The following EIF4G3 variants were observed in gnomAD, a reference collection of about 807,000 sequenced individuals.
EIF4G3 encodes the protein eIF-4-gamma 3.
A neutral mutation model predicts 186.4 loss-of-function variants in EIF4G3; 34 were observed. That is an observed-to-expected ratio of 0.18 (90% confidence interval 0.14 to 0.24). The LOEUF (loss-of-function observed/expected upper bound fraction) is 0.24. Ranked by LOEUF, EIF4G3 falls within the 10% of genes least tolerant of loss-of-function variation. The probability of loss-of-function intolerance (pLI) is 1.00; values close to 1 mark genes in which losing one functional copy is unlikely to be tolerated. For missense variants in EIF4G3, 1,536 were observed against 1,948.5 expected (o/e 0.79, Z 3.99); for synonymous variants, 673 against 679.5 (o/e 0.99, Z 0.15).
rs112745869 is a variant in EIF4G3, at chr1:21,020,580, G to A, written c.-66-17772C>T. 4.4e-3 allele frequency among the ~76,000 whole-genome samples: 676 copies of A among 152,274 alleles called. 5 individuals are homozygous for A. The highest frequency in any genetic ancestry group is 0.015 in the African/African-American group (639 of 41,554). On this transcript the variant is annotated intron_variant, in intron 4 of 36. Transcript: ENST00000602326. Reference sequence around the variant, plus strand: ...AGGTATGGGACCATGTATAGCCAGCGCGATTACTGGAATACATTTCAAACG... The same window carrying A: ...AGGTATGGGACCATGTATAGCCAGCACGATTACTGGAATACATTTCAAACG...
intron 15 of EIF4G3, among the ~76,000 whole-genome samples, chr1:20,900,540 A>G (rs911531768): frequency 2.0e-4 from 30 of 152,080 alleles, no homozygotes; most frequent in Non-Finnish European, 1.3e-4. Flanking sequence ...GAGAGAGAAA[A>G]AAAAAAGAGA....
intron 3 of EIF4G3, among the ~76,000 whole-genome samples, chr1:21,056,046 C>T (rs1214361005): frequency 6.6e-6 from 1 of 152,074 alleles, no homozygotes; most frequent in Non-Finnish European, 1.5e-5. Context: ...AGCATTGTGC[C>T]AAAGCCTAAA....
chr1:20,850,604 T>A lies in EIF4G3; in HGVS notation c.3772+654A>T, dbSNP rs1034985776. Among the ~76,000 whole-genome samples, 58 of 152,250 alleles carry A rather than the reference T, an allele frequency of 3.8e-4. 3 individuals carry two copies. Among genetic ancestry groups the A allele is most frequent in the Non-Finnish European group, 8.8e-5 (6 of 68,036 alleles). The stretch of plus-strand genomic sequence containing the variant: ...CATTGCTATATTCGTCATCACAACA[T>A]TTAATACTTTTTGAAAACCTTGTAT... On this transcript the variant is annotated intron_variant, in intron 28 of 36. Coordinates refer to ENST00000602326, the MANE Select transcript of EIF4G3 (RefSeq NM_001391906.1).
intron 3 of EIF4G3, among the ~76,000 whole-genome samples, chr1:21,076,788 A>G (rs905022897): frequency 8.5e-5 from 13 of 152,166 alleles, no homozygotes; most frequent in African/African-American, 3.1e-4. Context: ...ACCAAAATCA[A>G]ACCAAAATGG....
At chr1:20,900,664 T>A (rs2089995449) in intron 15 of EIF4G3, among the ~76,000 whole-genome samples, 2 of 152,272 alleles carry the variant, frequency 1.3e-5, no homozygotes, top group African/African-American at 4.8e-5. Flanking sequence ...AATGGCTCTG[T>A]AAAGGCCTCA....
At chr1:20,986,572 C>T (rs1452057902) in intron 7 of EIF4G3, among the ~76,000 whole-genome samples, 1 of 151,584 alleles carries the variant, frequency 6.6e-6, no homozygotes, top group Non-Finnish European at 1.5e-5. Flanking sequence ...GGTGAAACCC[C>T]GTCTCCACTA....
At chr1:20,840,623 T>C (rs1002019576) in intron 30 of EIF4G3, among the ~76,000 whole-genome samples, 3 of 152,194 alleles carry the variant, frequency 2.0e-5, no homozygotes, top group African/African-American at 7.2e-5. Context: ...GATAGAGATC[T>C]AACAATAATA....
intron 14 of EIF4G3, among the ~76,000 whole-genome samples, chr1:20,923,757 C>T (rs1436046634): frequency 1.3e-5 from 2 of 151,394 alleles, no homozygotes; most frequent in Non-Finnish European, 2.9e-5. Context: ...ATAAAAAATA[C>T]ACTCTAACAG....
At chr1:20,858,873 T>A (rs1417681331) in intron 24 of EIF4G3, among the ~76,000 whole-genome samples, 2 of 152,092 alleles carry the variant, frequency 1.3e-5, no homozygotes, top group African/African-American at 4.8e-5. Flanking sequence ...GGTGGGCGCC[T>A]GTAATCCCAG....
chr1:20,886,713 C>G (rs2084282360), intron 18 of EIF4G3, among the ~76,000 whole-genome samples: 1 of 152,124 alleles, frequency 6.6e-6, no homozygotes, highest in Non-Finnish European at 1.5e-5. Context: ...CAAAAATTCA[C>G]AGGTAGGTAT....
chr1:20,899,780 C>G lies in EIF4G3; in HGVS notation c.1916G>C (p.Ser639Thr). 6.2e-7 allele frequency: 1 copy of G among 1,614,152 alleles called. No individual in the cohort carries two copies. The highest frequency in any genetic ancestry group is 8.5e-7 in the Non-Finnish European group (1 of 1,180,016). ...ATCTATTCCTTCACCCTCAGAAACA[C>G]TCTCAGCACCATTACGTACTGGCTC... ...EAEPVRNGAE[S>T]VSEGEGIDAN... is the part of the protein sequence containing the mutation. Residue 639 changes from serine (S) to threonine (T), a missense_variant, in exon 16 of 37, where the codon AGT (serine) becomes ACT (threonine). Ser to Thr is a moderately conservative substitution (Grantham distance 58). Coordinates refer to ENST00000602326, the MANE Select transcript of EIF4G3 (RefSeq NM_001391906.1).
intron 4 of EIF4G3, among the ~76,000 whole-genome samples, chr1:21,046,627 G>A (rs1435666133): frequency 6.6e-6 from 1 of 152,200 alleles, no homozygotes; most frequent in Non-Finnish European, 1.5e-5. Context: ...AGAAGAAGGG[G>A]AGACTGTCAC....
chr1:20,997,246 A>T (rs1364140904), intron 7 of EIF4G3, among the ~76,000 whole-genome samples: 1 of 152,172 alleles, frequency 6.6e-6, no homozygotes, highest in African/African-American at 2.4e-5. Context: ...AAACCCATAG[A>T]ATGCTGCCTG....
intron 32 of EIF4G3, among the ~76,000 whole-genome samples, chr1:20,825,975 G>A (rs2063509188): frequency 6.6e-6 from 1 of 152,212 alleles, no homozygotes; most frequent in Non-Finnish European, 1.5e-5. Flanking sequence ...GGCTGTTGCT[G>A]TCATCTGAGA....
intron 33 of EIF4G3, among the ~76,000 whole-genome samples, chr1:20,819,199 A>C (rs2061716566): frequency 6.6e-6 from 1 of 152,286 alleles, no homozygotes; most frequent in South Asian, 2.1e-4. Flanking sequence ...GTTTAAGCAA[A>C]CTGTAAGTCA....
rs1558396488 is a variant in EIF4G3, at chr1:20,950,127, C to T, written c.715-16G>A. 6.4e-7 allele frequency: 1 copy of T among 1,553,684 alleles called. No homozygotes were observed. Among genetic ancestry groups the T allele is most frequent in the Non-Finnish European group, 8.7e-7 (1 of 1,155,362 alleles). On this transcript the variant is annotated splice_polypyrimidine_tract_variant and intron_variant, in intron 12 of 36. Transcript: ENST00000602326. ...TGGGCAGCTGCTGGGATTTGAAGTA[C>T]AAAAAAGGGTGATAATGAGCGTGCG...
intron 4 of EIF4G3, among the ~76,000 whole-genome samples, chr1:21,042,920 C>A (rs1047775604): frequency 1.3e-5 from 2 of 152,228 alleles, no homozygotes; most frequent in Admixed American, 1.3e-4. Flanking sequence ...TGCAGCTGAA[C>A]TGAATTAGCA....
At chr1:21,122,112 A>G (rs2096936021) in intron 2 of EIF4G3, among the ~76,000 whole-genome samples, 1 of 152,216 alleles carries the variant, frequency 6.6e-6, no homozygotes, top group Non-Finnish European at 1.5e-5. Flanking sequence ...ACCATCCTCT[A>G]ATTCCCCCTC....
chr1:21,009,084 T>C (rs1393180920), intron 4 of EIF4G3, among the ~76,000 whole-genome samples: 1 of 152,254 alleles, frequency 6.6e-6, no homozygotes, highest in Non-Finnish European at 1.5e-5. Context: ...AGTTTTAAAA[T>C]AGGCTATTCC....
Sources: allele counts gnomAD v4.1 joint callset (sites outside exome capture counted in the v4.1 genomes callset), GRCh38; gene constraint gnomAD v4.1.1; transcripts MANE v1.5; gene names NCBI Gene and HGNC (gene_info 2026-07-23, HGNC 2026-07-21).